OTUD4: variants seen among roughly 807,000 people sequenced by gnomAD.
OTUD4 encodes the protein OTU domain-containing protein 4.
OTUD4 carries 24 observed loss-of-function variants against 130.4 expected under a neutral mutation model. The observed-to-expected ratio is 0.18, with a 90% CI of 0.13 to 0.26. OTUD4 has a LOEUF of 0.26. OTUD4 is among the 10% of genes least tolerant of loss of function. OTUD4 has a pLI of 1.00. For missense variants in OTUD4, 1,031 were observed against 1,329.4 expected (o/e 0.78, Z 3.49); for synonymous variants, 420 against 472.5 (o/e 0.89, Z 1.44).
At chr4:145,158,308 C>T (rs573886303) in intron 7 of OTUD4, among the ~76,000 whole-genome samples, 110 of 152,106 alleles carry the variant, frequency 7.2e-4, no homozygotes, top group Non-Finnish European at 1.4e-3. Context: ...TGGTGAAACC[C>T]CATCTCTACT....
chr4:145,141,372 A>T lies in OTUD4; in HGVS notation c.2083+7T>A. The T allele has an allele frequency of 1.3e-6, 2 of 1,573,560 alleles. No homozygotes were observed. The highest frequency in any genetic ancestry group is 1.7e-6 in the Non-Finnish European group (2 of 1,161,122). On this transcript the variant is annotated splice_region_variant and intron_variant, in intron 19 of 20. Coordinates refer to ENST00000447906, the MANE Select transcript of OTUD4 (RefSeq NM_001366057.1). Reference sequence around the variant, plus strand: ...AAAGTCGATTTGAACTTGGAGAAGGAGCTCACCTTTAGGTAGGTCCTCCCC... The same window carrying T: ...AAAGTCGATTTGAACTTGGAGAAGGTGCTCACCTTTAGGTAGGTCCTCCCC...
At chr4:145,157,445 T>C (rs1484978365) in intron 7 of OTUD4, among the ~76,000 whole-genome samples, 1 of 152,110 alleles carries the variant, frequency 6.6e-6, no homozygotes, top group East Asian at 1.9e-4. Context: ...TCCCAACACT[T>C]TGGGAGGCCG....
At position 145,133,813 on chromosome 4, in the gene OTUD4, C is replaced by G. The variant is rs948598601; in HGVS notation, c.*3617G>C. 6.6e-6 allele frequency: 1 copy of G among 152,490 alleles called. No homozygotes were observed. The highest frequency in any genetic ancestry group is 1.5e-5 in the Non-Finnish European group (1 of 68,014). 9.4% of individuals were successfully genotyped at this position (152,490 alleles called of 1,614,324 possible). On this transcript the variant is annotated 3_prime_UTR_variant, in exon 21 of 21. Coordinates refer to ENST00000447906, the MANE Select transcript of OTUD4 (RefSeq NM_001366057.1). ...TAAACAGGAATATATTCAACACTTA[C>G]AAAAAGTGATATGATAAAGAATATA...
At chr4:145,138,694 AAG>A (rs748823913) in intron 20 of OTUD4, 44 bp from the exon 21 acceptor site, 36 of 1,546,164 alleles carry the variant, frequency 2.3e-5, no homozygotes, top group African/African-American at 2.8e-5. Flanking sequence ...GAGGAGAAAA[AAG>A]AGAGGTTTGG....
rs148715059 is a variant in OTUD4, at chr4:145,158,221, C to T, written c.629+1282G>A. On this transcript the variant is annotated intron_variant, in intron 7 of 20. Coordinates refer to ENST00000447906, the MANE Select transcript of OTUD4 (RefSeq NM_001366057.1). ...GATATACAGGCTGGGCAGTGGCTCA[C>T]GCCTGTAATCCCAGCACTTTGGGAG... 4.0e-4 allele frequency among the ~76,000 whole-genome samples: 61 copies of T among 152,280 alleles called. No homozygotes were observed. The East Asian group carries it at 0.012, about 29-fold the overall frequency.
At chr4:145,179,620 T>C (rs1168523320) in intron 1 of OTUD4, 195 bp downstream of exon 1, 2 of 1,387,900 alleles carry the variant, frequency 1.4e-6, no homozygotes, top group South Asian at 1.6e-5. Context: ...TTGCGGGCTT[T>C]CGAGTTTCAA....
intron 13 of OTUD4, 53 bp downstream of exon 13, chr4:145,150,460 A>G: frequency 2.4e-6 from 3 of 1,270,478 alleles, no homozygotes; most frequent in Non-Finnish European, 3.4e-6. Flanking sequence ...TGGCAAATAT[A>G]ACAAATGCCT....
intron 1 of OTUD4, 157 bp downstream of exon 1, chr4:145,179,658 T>C: frequency 1.4e-6 from 2 of 1,404,150 alleles, no homozygotes; most frequent in Non-Finnish European, 1.8e-6. Context: ...CAAAGCAGCG[T>C]CCCACTCCGG....
intron 6 of OTUD4, 28 bp downstream of exon 6, chr4:145,162,612 T>C (rs767024398): frequency 1.5e-5 from 17 of 1,106,694 alleles, no homozygotes; most frequent in Non-Finnish European, 2.2e-5. Flanking sequence ...GAATATAATT[T>C]CCCATATAAA....
At chr4:145,159,709 A>G in intron 6 of OTUD4, 74 bp from the exon 7 acceptor site, 1 of 1,382,182 alleles carries the variant, frequency 7.2e-7, no homozygotes, top group Non-Finnish European at 1.0e-6. Flanking sequence ...AGACCATCAC[A>G]TTGTAACTTT....
In OTUD4 at chr4:145,142,279, T is replaced by C. The variant is rs1410918209; in HGVS notation, c.1739A>G (p.Glu580Gly). 15 of 1,613,888 alleles carry C rather than the reference T, an allele frequency of 9.3e-6. No individual in the cohort carries two copies. The highest frequency in any genetic ancestry group is 1.3e-5 in the Non-Finnish European group (15 of 1,179,780). The change falls in exon 18 of 21, where the codon GAG becomes GGG. Residue 580 changes from glutamate (E) to glycine (G), a missense_variant. By Grantham distance (98) the Glu-to-Gly change is moderately conservative (BLOSUM62 -2). Transcript: ENST00000447906. ...AGGCACCGCAGGAGTTAGATGTACCTCTGGAGAAACTAGAAGGGGAGCTGG... is the reference window on the plus strand; with the variant it reads ...AGGCACCGCAGGAGTTAGATGTACCCCTGGAGAAACTAGAAGGGGAGCTGG... ...SNPAPLLVSP[E>G]VHLTPAVPSL...
rs551949991 is a variant in OTUD4 at position 145,146,465 on chromosome 4, A to C, written c.1260-36T>G. Reference sequence around the variant, plus strand: ...AAACATTCTTGTCAGAAAATACATAAATAAATAAATAAATAAATAAATAAA... The same window carrying C: ...AAACATTCTTGTCAGAAAATACATACATAAATAAATAAATAAATAAATAAA... On this transcript the variant is annotated intron_variant, in intron 13 of 20. Transcript: ENST00000447906. 1,324 of 1,005,424 alleles carry C rather than the reference A, an allele frequency of 1.3e-3. 2 individuals carry two copies. Among genetic ancestry groups the C allele is most frequent in the Non-Finnish European group, 1.7e-3 (1,218 of 726,184 alleles). 62.3% of individuals were successfully genotyped at this position (1,005,424 alleles called of 1,614,324 possible). A position where few individuals can be genotyped will look rare whatever the true frequency, so the allele number is the denominator to read the frequency against.
intron 3 of OTUD4, among the ~76,000 whole-genome samples, chr4:145,168,954 T>C (rs887950756): frequency 5.9e-5 from 9 of 152,266 alleles, no homozygotes; most frequent in African/African-American, 1.9e-4. Flanking sequence ...ATACACAGAT[T>C]ATTTTTCTTC....
rs775686321 is a variant in OTUD4, at chr4:145,138,359, C to G, written c.2416G>C (p.Gly806Arg). Residue 806 changes from glycine (G) to arginine (R), a missense_variant, in exon 21 of 21, where the codon GGA becomes CGA. Gly to Arg is a moderately radical substitution (Grantham distance 125). Around this residue, in one of 3 missense-constraint regions of OTUD4, gnomAD observed 900 missense variants for 1,095.9 expected, o/e 0.82. Coordinates refer to ENST00000447906, the MANE Select transcript of OTUD4 (RefSeq NM_001366057.1). ...AGATCAGCCTGGTAAGACAATTGTC[C>G]ATGACTTTCAGACACCTGAGATGGA... ...IPPSQVSESHGQLSYQADLES... is the reference protein window; with the variant it reads ...IPPSQVSESHRQLSYQADLES... 4 of 1,614,016 alleles carry G rather than the reference C, an allele frequency of 2.5e-6. No individual in the cohort carries two copies. Among genetic ancestry groups the G allele is most frequent in the Non-Finnish European group, 3.4e-6 (4 of 1,180,012 alleles).
Position 145,165,076 on chromosome 4 carries a change from T to G in OTUD4, c.341+75A>C. The G allele has an allele frequency of 3.7e-6, 3 of 811,236 alleles. No individual in the cohort carries two copies. In the East Asian group the frequency reaches 8.0e-5, roughly 22 times the overall value. The allele number at this position is 811,236 out of a possible 1,614,324, so 50.3% of individuals were successfully genotyped here. ...AAAGTATAAAAGAGCTTTGCTATTTTAACATTTTTAATATAATGGAATATA... is the reference window on the plus strand; with the variant it reads ...AAAGTATAAAAGAGCTTTGCTATTTGAACATTTTTAATATAATGGAATATA... On this transcript the variant is annotated intron_variant, in intron 4 of 20. Coordinates refer to ENST00000447906, the MANE Select transcript of OTUD4 (RefSeq NM_001366057.1).
chr4:145,143,544 A>C, intron 16 of OTUD4, 99 bp from the exon 17 acceptor site: 1 of 687,770 alleles, frequency 1.5e-6, no homozygotes, highest in South Asian at 1.8e-5. Flanking sequence ...TGTATCTGAC[A>C]GAACCCTCTC....
In OTUD4 at chr4:145,155,845, T is replaced by C. The variant is rs2126770826; in HGVS notation, c.690+91A>G. ...GTAGATGATCCTGACTTGACTGAAA[T>C]GTACCAGAAAAAAGAAAAAAATTAA... On this transcript the variant is annotated intron_variant, in intron 8 of 20. Coordinates refer to ENST00000447906, the MANE Select transcript of OTUD4 (RefSeq NM_001366057.1). 3 of 1,119,212 alleles carry C rather than the reference T, an allele frequency of 2.7e-6. No homozygotes were observed. The South Asian group carries it at 4.5e-5, about 17-fold the overall frequency. 69.3% of individuals were successfully genotyped at this position (1,119,212 alleles called of 1,614,324 possible). A position where few individuals can be genotyped will look rare whatever the true frequency, so the allele number is the denominator to read the frequency against.
Position 145,144,377 on chromosome 4 carries a change from A to G in OTUD4, c.1480T>C (p.Ser494Pro). Residue 494 changes from serine to proline, a missense_variant, in exon 15 of 21, where the codon TCA becomes CCA. Around this residue, in one of 3 missense-constraint regions of OTUD4, gnomAD observed 900 missense variants for 1,095.9 expected, o/e 0.82. Coordinates refer to ENST00000447906, the MANE Select transcript of OTUD4 (RefSeq NM_001366057.1). Reference protein sequence around the residue: ...QSSNPCVQRKSSHVGDRKGSR... With the variant: ...QSSNPCVQRKPSHVGDRKGSR... Reference sequence around the variant, plus strand: ...CCTTTTCTATCACCTACATGTGATGATTTTCTCTGGACACATGGATTGCTA... The same window carrying G: ...CCTTTTCTATCACCTACATGTGATGGTTTTCTCTGGACACATGGATTGCTA... 6.2e-7 allele frequency: 1 copy of G among 1,612,500 alleles called. No homozygotes were observed. The highest frequency in any genetic ancestry group is 8.5e-7 in the Non-Finnish European group (1 of 1,179,052).
chr4:145,143,311 G>C, intron 17 of OTUD4, 54 bp downstream of exon 17: 1 of 1,119,514 alleles, frequency 8.9e-7, no homozygotes, highest in East Asian at 2.4e-5. Context: ...TATACACAGA[G>C]CACAGAAACC....
Sources: allele counts gnomAD v4.1 joint callset (sites outside exome capture counted in the v4.1 genomes callset), GRCh38; gene constraint gnomAD v4.1.1; regional missense constraint gnomAD v4.1.1; transcripts MANE v1.5; gene names NCBI Gene and HGNC (gene_info 2026-07-23, HGNC 2026-07-21).